The following PGPEP1L variants were observed in gnomAD, a reference collection of about 807,000 sequenced individuals.
PGPEP1L encodes the protein pyroglutamyl-peptidase 1-like protein.
Under a neutral mutation model 6.0 loss-of-function variants are expected in PGPEP1L, and 7 were observed. The ratio of observed to expected loss-of-function variants is 1.17; its 90% confidence interval spans 0.66 to 2.19. PGPEP1L has a LOEUF of 2.19. Among genes scored for constraint, PGPEP1L ranks in the 30% most tolerant of loss-of-function variants. PGPEP1L has a pLI of 0.00. For synonymous variants in PGPEP1L, 103 were observed against 83.9 expected (o/e 1.23, Z -1.24); for missense variants, 209 against 192.5 (o/e 1.09, Z -0.51).
chr15:98,973,092 A>C (rs1461263531), intron 2 of PGPEP1L, among the ~76,000 whole-genome samples: 1 of 152,214 alleles, frequency 6.6e-6, no homozygotes, highest in Non-Finnish European at 1.5e-5. Flanking sequence ...CTTTAAGTCA[A>C]GAATGGTGAA....
chr15:98,981,291 G>A (rs1326704948), intron 2 of PGPEP1L, among the ~76,000 whole-genome samples: 4 of 152,030 alleles, frequency 2.6e-5, no homozygotes, highest in African/African-American at 9.7e-5. Context: ...AGGAGATCCA[G>A]ACCATCCTGG....
At chr15:98,977,042 A>G (rs957700893) in intron 2 of PGPEP1L, among the ~76,000 whole-genome samples, 2 of 150,880 alleles carry the variant, frequency 1.3e-5, no homozygotes, top group Admixed American at 1.3e-4. Flanking sequence ...AGTGACTTTG[A>G]TAAGAGTAGT....
At position 99,001,198 on chromosome 15, in the gene PGPEP1L, G is replaced by A. The variant is rs187365595; in HGVS notation, c.-142+4231C>T. 1.1e-3 allele frequency: 466 copies of A among 427,206 alleles called. 6 individuals are homozygous for A. The highest frequency in any genetic ancestry group is 8.4e-3 in the African/African-American group (407 of 48,324). The allele number at this position is 427,206 out of a possible 1,614,324, so 26.5% of individuals were successfully genotyped here. A position where few individuals can be genotyped will look rare whatever the true frequency, so the allele number is the denominator to read the frequency against. ...ACTGTAACACTCACCACGAGAGTCC[G>A]CGGCTTCATTCTTGAAGTCAGTGAG... On this transcript the variant is annotated intron_variant, in intron 2 of 4. Transcript: ENST00000535714.
intron 2 of PGPEP1L, among the ~76,000 whole-genome samples, chr15:98,982,302 A>C (rs894904523): frequency 2.6e-5 from 4 of 152,042 alleles, no homozygotes; most frequent in African/African-American, 4.8e-5. Flanking sequence ...GGACTATGAG[A>C]GCACAGGCTC....
chr15:99,006,853 A>G (rs1389231031), intron 1 of PGPEP1L, among the ~76,000 whole-genome samples: 1 of 152,130 alleles, frequency 6.6e-6, no homozygotes, highest in Non-Finnish European at 1.5e-5. Context: ...CTGAAGCTGT[A>G]TATTAAGAGG....
chr15:98,996,179 C>T (rs2017885097), intron 2 of PGPEP1L, among the ~76,000 whole-genome samples: 2 of 152,212 alleles, frequency 1.3e-5, no homozygotes, highest in South Asian at 4.1e-4. Context: ...TCTGCTTCTG[C>T]TGATTCCTAC....
chr15:98,995,370 A>G (rs1041321584), intron 2 of PGPEP1L, among the ~76,000 whole-genome samples: 2 of 152,226 alleles, frequency 1.3e-5, no homozygotes, highest in African/African-American at 4.8e-5. Context: ...TTATTGAGAT[A>G]TAATTCACCT....
At chr15:98,982,472 T>C (rs2017678741) in intron 2 of PGPEP1L, among the ~76,000 whole-genome samples, 2 of 152,190 alleles carry the variant, frequency 1.3e-5, no homozygotes, top group South Asian at 4.2e-4. Flanking sequence ...ACTAACAAGG[T>C]GGGGCTCACA....
In PGPEP1L at chr15:98,968,566, T is replaced by C; in HGVS notation, c.341A>G (p.Gln114Arg). The C allele has an allele frequency of 6.3e-7, 1 of 1,580,246 alleles. No individual in the cohort carries two copies. The highest frequency in any genetic ancestry group is 8.6e-7 in the Non-Finnish European group (1 of 1,161,064). ...CTTTCCCACCTCTTCCAGCATTTCC[T>C]GGATGATGACTCTCAAGGCTCTTCC... Reference protein sequence around the residue: ...LLGRALRVIIQEMLEEVGKPK... With the variant: ...LLGRALRVIIREMLEEVGKPK... The change falls in exon 5 of 5, where the codon CAG becomes CGG. Residue 114 changes from glutamine to arginine, a missense_variant. Transcript: ENST00000535714.
chr15:98,999,891 T>C (rs868941102), intron 2 of PGPEP1L, among the ~76,000 whole-genome samples: 1 of 152,276 alleles, frequency 6.6e-6, no homozygotes, highest in South Asian at 2.1e-4. Context: ...ATGCTGGCAG[T>C]CCTTGCAGCC....
chr15:98,982,383 G>T (rs2017677385), intron 2 of PGPEP1L, among the ~76,000 whole-genome samples: 2 of 152,042 alleles, frequency 1.3e-5, no homozygotes, highest in African/African-American at 2.4e-5. Flanking sequence ...TTCGAAGTGA[G>T]AATGCAAGGA....
chr15:99,006,939 C>G (rs2018077588), intron 1 of PGPEP1L, among the ~76,000 whole-genome samples: 1 of 152,212 alleles, frequency 6.6e-6, no homozygotes, highest in African/African-American at 2.4e-5. Context: ...GGCAGAGCCT[C>G]TCAAGCACCC....
intron 2 of PGPEP1L, among the ~76,000 whole-genome samples, chr15:99,003,194 T>C (rs1596529998): frequency 1.8e-5 from 2 of 111,372 alleles, no homozygotes; most frequent in African/African-American, 9.4e-5. Flanking sequence ...TTATAGAAAA[T>C]AGTGAGATTA....
chr15:98,982,100 A>C (rs371990454), intron 2 of PGPEP1L, among the ~76,000 whole-genome samples: 46 of 152,384 alleles, frequency 3.0e-4, no homozygotes, highest in African/African-American at 1.0e-3. Context: ...TTTTCTCCAA[A>C]TAAGCAGAAA....
intron 2 of PGPEP1L, among the ~76,000 whole-genome samples, chr15:98,994,315 TTTCA>T (rs1297984210): frequency 6.6e-6 from 1 of 151,982 alleles, no homozygotes; most frequent in Non-Finnish European, 1.5e-5. Flanking sequence ...CTATAAAAGC[TTTCA>T]TTGTCTTACA....
chr15:98,985,974 T>C (rs1047469564), intron 2 of PGPEP1L, among the ~76,000 whole-genome samples: 1 of 152,214 alleles, frequency 6.6e-6, no homozygotes, highest in African/African-American at 2.4e-5. Flanking sequence ...CTTTCTTCCA[T>C]ATGTTTTTCA....
intron 2 of PGPEP1L, among the ~76,000 whole-genome samples, chr15:98,981,346 C>T (rs986214743): frequency 2.0e-5 from 3 of 151,900 alleles, no homozygotes; most frequent in African/African-American, 4.8e-5. Flanking sequence ...CAAAGTTAGC[C>T]GGGCGTGCTG....
rs1376385198 is a variant in PGPEP1L at position 98,971,211 on chromosome 15, TG to T, written c.-141-54del. ...TCAGTTGATGGGGGGGGGGGGGGGGTGGGCACCAAGAGTCCCTGAAAACCCA... is the reference window on the plus strand; with the variant it reads ...TCAGTTGATGGGGGGGGGGGGGGGGTGGCACCAAGAGTCCCTGAAAACCCA... On this transcript the variant is annotated intron_variant, in intron 2 of 4. Transcript: ENST00000535714. The T allele has an allele frequency of 7.6e-5, 18 of 237,542 alleles. 1 individual carries two copies. The highest frequency in any genetic ancestry group is 3.3e-4 in the Admixed American group (2 of 5,996). 14.7% of individuals were successfully genotyped at this position (237,542 alleles called of 1,614,324 possible). A position where few individuals can be genotyped will look rare whatever the true frequency, so the allele number is the denominator to read the frequency against.
At chr15:98,982,916 G>T (rs12912543) in intron 2 of PGPEP1L, among the ~76,000 whole-genome samples, 1 of 151,738 alleles carries the variant, frequency 6.6e-6, no homozygotes, top group Non-Finnish European at 1.5e-5. Flanking sequence ...TCACCCTGTT[G>T]GCCAGGCTGG....
Sources: allele counts gnomAD v4.1 joint callset (sites outside exome capture counted in the v4.1 genomes callset), GRCh38; gene constraint gnomAD v4.1.1; transcripts MANE v1.5; gene names NCBI Gene and HGNC (gene_info 2026-07-23, HGNC 2026-07-21).